Variants in SLC7A14 observed in about 807,000 individuals in gnomAD.
SLC7A14 encodes gamma-aminobutyric acid transporter SLC7A14.
SLC7A14 carries 37 observed loss-of-function variants against 60.2 expected under a neutral mutation model. That is an observed-to-expected ratio of 0.61 (90% CI 0.47 to 0.81). The LOEUF (loss-of-function observed/expected upper bound fraction) is 0.81, where lower values mean the gene tolerates loss of function less well. Ranked by LOEUF, SLC7A14 falls within the 30% of genes least tolerant of loss-of-function variation. The pLI is 0.00. For synonymous variants in SLC7A14, 399 were observed against 395.8 expected, an observed-to-expected ratio of 1.01 and a Z score of -0.10; for missense variants, 886 against 982.7, an observed-to-expected ratio of 0.90 and a Z score of 1.32.
chr3:170,483,189 A>C, intron 6 of SLC7A14, 125 bp downstream of exon 6: 1 of 1,131,192 alleles, frequency 8.8e-7, no homozygotes, highest in Non-Finnish European at 1.3e-6. Context: ...CAGGATACAT[A>C]ACAAGGTCCA....
intron 1 of SLC7A14, among the ~76,000 whole-genome samples, chr3:170,558,265 G>T (rs1049876518): frequency 6.6e-6 from 1 of 152,170 alleles, no homozygotes; most frequent in African/African-American, 2.4e-5. Context: ...CTGCTCAGGA[G>T]GCTGAGACAG....
intron 7 of SLC7A14, among the ~76,000 whole-genome samples, chr3:170,469,763 G>A (rs1739831776): frequency 6.6e-6 from 1 of 152,022 alleles, no homozygotes; most frequent in Non-Finnish European, 1.5e-5. Context: ...TACCTATTAT[G>A]CCAATTCTTT....
At chr3:170,496,155 A>T in intron 4 of SLC7A14, 1 of 922,326 alleles carries the variant, frequency 1.1e-6, no homozygotes, top group Non-Finnish European at 1.8e-6. Context: ...GATCTCGGGC[A>T]CGTCTGCGGT....
intron 1 of SLC7A14, among the ~76,000 whole-genome samples, chr3:170,579,056 T>G (rs1715170711): frequency 6.6e-6 from 1 of 152,214 alleles, no homozygotes; most frequent in African/African-American, 2.4e-5. Flanking sequence ...ACATACTCTT[T>G]CCTACTCCCT....
rs768771659 is a variant in SLC7A14 at position 170,480,925 on chromosome 3, CCTT to C, written c.1354_1356del (p.Lys452del). 8 of 1,613,892 alleles carry C rather than the reference CCTT, an allele frequency of 5.0e-6. No homozygotes were observed. Among genetic ancestry groups the C allele is most frequent in the Middle Eastern group, 1.6e-4 (1 of 6,084 alleles). On this transcript the variant is annotated inframe_deletion, in exon 7 of 8. Coordinates refer to ENST00000231706, the MANE Select transcript of SLC7A14 (RefSeq NM_020949.3). ...TTCTCACAGTCAGCCAGAATGCCCTCCTTCTTCTTGGTGTGCTCCTCAGACAAG... is the reference window on the plus strand; with the variant it reads ...TTCTCACAGTCAGCCAGAATGCCCTCCTTCTTGGTGTGCTCCTCAGACAAG...
At chr3:170,474,603 T>C (rs1231803326) in intron 7 of SLC7A14, among the ~76,000 whole-genome samples, 3 of 152,236 alleles carry the variant, frequency 2.0e-5, no homozygotes, top group Admixed American at 6.5e-5. Context: ...TTATGGGACA[T>C]GTCATCAAGA....
At chr3:170,563,878 A>C (rs761788656) in intron 1 of SLC7A14, among the ~76,000 whole-genome samples, 1 of 152,220 alleles carries the variant, frequency 6.6e-6, no homozygotes, top group Non-Finnish European at 1.5e-5. Context: ...TCTCTTCATC[A>C]CATTCAGTCT....
At chr3:170,523,107 G>T (rs1713384693) in intron 2 of SLC7A14, among the ~76,000 whole-genome samples, 1 of 152,180 alleles carries the variant, frequency 6.6e-6, no homozygotes, top group Non-Finnish European at 1.5e-5. Context: ...TATGTGCTCG[G>T]CAATGTACCA....
intron 1 of SLC7A14, among the ~76,000 whole-genome samples, chr3:170,554,869 A>T (rs550093226): frequency 6.6e-6 from 1 of 152,270 alleles, no homozygotes; most frequent in South Asian, 2.1e-4. Flanking sequence ...AAGCACTTTT[A>T]AAAAAATATT....
At chr3:170,492,121 G>A (rs1039555053) in intron 4 of SLC7A14, among the ~76,000 whole-genome samples, 5 of 152,084 alleles carry the variant, frequency 3.3e-5, no homozygotes, top group Admixed American at 6.6e-5. Flanking sequence ...CGTTTTCTAC[G>A]TCACTCTATC....
intron 1 of SLC7A14, among the ~76,000 whole-genome samples, chr3:170,581,034 T>C: frequency 6.6e-6 from 1 of 152,074 alleles, no homozygotes; most frequent in South Asian, 2.1e-4. Context: ...TGGGAGTAAA[T>C]GTTAGCCAGA....
chr3:170,483,466 T>C lies in SLC7A14; in HGVS notation c.963A>G (p.Pro321=). 6 of 1,614,084 alleles carry C rather than the reference T, an allele frequency of 3.7e-6. No individual in the cohort carries two copies. The highest frequency in any genetic ancestry group is 5.1e-6 in the Non-Finnish European group (6 of 1,180,010). The part of the protein sequence containing the change: ...VPYYTIDTES[P]LMEMFVAHGF... The stretch of plus-strand genomic sequence containing the variant: ...CATGAGCCACAAACATCTCCATGAG[T>C]GGGGATTCCGTGTCAATGGTATAAT... Residue 321 remains proline (P), a synonymous_variant, in exon 6 of 8, where the codon CCA becomes CCG. Coordinates refer to ENST00000231706, the MANE Select transcript of SLC7A14 (RefSeq NM_020949.3).
rs1407689177 is a variant in SLC7A14 at position 170,577,338 on chromosome 3, G to T, written c.-153+8573C>A. 2.0e-5 allele frequency among the ~76,000 whole-genome samples: 3 copies of T among 152,192 alleles called. 1 individual carries two copies. The South Asian group carries it at 6.2e-4, about 31-fold the overall frequency. On this transcript the variant is annotated intron_variant, in intron 1 of 7. Transcript: ENST00000231706. Reference sequence around the variant, plus strand: ...GAGTATCTAGAAAACCACAGAGGAGGCCGGGCGCGGTGGCTCACGCCTGTA... The same window carrying T: ...GAGTATCTAGAAAACCACAGAGGAGTCCGGGCGCGGTGGCTCACGCCTGTA...
At chr3:170,550,512 ATT>A (rs369436642) in intron 1 of SLC7A14, among the ~76,000 whole-genome samples, 87 of 60,612 alleles carry the variant, frequency 1.4e-3, no homozygotes, top group Middle Eastern at 0.029. Context: ...CTTTCCTTGA[ATT>A]TTTTTTTTTT....
chr3:170,498,429 A>T (rs1481545314), intron 4 of SLC7A14, among the ~76,000 whole-genome samples: 1 of 152,220 alleles, frequency 6.6e-6, no homozygotes, highest in Non-Finnish European at 1.5e-5. Context: ...AAAACATTGA[A>T]TCTATTATTA....
At position 170,585,512 on chromosome 3, in the gene SLC7A14, G is replaced by A. The variant is rs895519697; in HGVS notation, c.-153+399C>T. Among the ~76,000 whole-genome samples, 7 of 152,158 alleles carry A rather than the reference G, an allele frequency of 4.6e-5. No homozygotes were observed. Among genetic ancestry groups the A allele is most frequent in the Admixed American group, 1.3e-4 (2 of 15,284 alleles). On this transcript the variant is annotated intron_variant, in intron 1 of 7. Coordinates refer to ENST00000231706, the MANE Select transcript of SLC7A14 (RefSeq NM_020949.3). This position sits in a 1 kb window ranked among gnomAD's most constrained non-coding sequence, Gnocchi z 5.1. ...GTGCGGGGTGCGCGCCAAGGCGGGG[G>A]ACAGGACGGGCCCGGCGTCTGCCGA...
Position 170,486,203 on chromosome 3 carries a change from G to C in SLC7A14, c.906+19C>G, listed in dbSNP as rs560543148. The stretch of plus-strand genomic sequence containing the variant: ...AGGGCCACATCGTGAGGAGGGTCCC[G>C]CAAGCATCTGGTACTTACAGACACA... On this transcript the variant is annotated intron_variant, in intron 5 of 7. Transcript: ENST00000231706. The C allele has an allele frequency of 2.5e-6, 4 of 1,613,058 alleles. No individual in the cohort carries two copies. Among genetic ancestry groups the C allele is most frequent in the Non-Finnish European group, 3.4e-6 (4 of 1,179,604 alleles).
chr3:170,482,176 A>T (rs1396425524), intron 6 of SLC7A14, among the ~76,000 whole-genome samples: 3 of 152,144 alleles, frequency 2.0e-5, no homozygotes, highest in Non-Finnish European at 4.4e-5. Context: ...CATGTGCAAT[A>T]GGCTCCCTCT....
intron 2 of SLC7A14, among the ~76,000 whole-genome samples, chr3:170,518,130 A>G (rs943339369): frequency 6.6e-6 from 1 of 152,154 alleles, no homozygotes; most frequent in Non-Finnish European, 1.5e-5. Context: ...CCTCATCTGT[A>G]GAGCAGAACT....
Sources: allele counts gnomAD v4.1 joint callset (sites outside exome capture counted in the v4.1 genomes callset), GRCh38; gene constraint gnomAD v4.1.1; non-coding constraint Gnocchi (gnomAD v3.1); transcripts MANE v1.5; gene names NCBI Gene and HGNC (gene_info 2026-07-23, HGNC 2026-07-21).